Variants in KCNJ18 observed in about 807,000 individuals in gnomAD.
The protein encoded by KCNJ18 is inward rectifier potassium channel 18.
KCNJ18 carries 16 observed loss-of-function variants against 17.3 expected under a neutral mutation model. That is an observed-to-expected ratio of 0.92 (90% CI 0.62 to 1.40). The LOEUF is 1.40. KCNJ18 is among the 40% of genes most tolerant of loss of function. KCNJ18 has a pLI of 0.00. For missense variants in KCNJ18, 462 were observed against 626.8 expected (o/e 0.74, Z 2.81); for synonymous variants, 185 against 262.6 (o/e 0.70, Z 2.86).
intron 1 of KCNJ18, among the ~76,000 whole-genome samples, chr17:21,694,521 T>C (rs1485227300): frequency 5.3e-5 from 8 of 152,076 alleles, no homozygotes; most frequent in African/African-American, 9.7e-5. Flanking sequence ...CTATCCTACT[T>C]GCCCAAACAC....
At position 21,694,311 on chromosome 17, in the gene KCNJ18, C is replaced by T. The variant is rs1246508616; in HGVS notation, c.-179+1597C>T. On this transcript the variant is annotated intron_variant, in intron 1 of 2. Transcript: ENST00000567955. ...CGTGGAGATCCTCAGAGCCCCTTCCCACCAACCTCTTCTCTGATTCTCACG... is the reference window on the plus strand; with the variant it reads ...CGTGGAGATCCTCAGAGCCCCTTCCTACCAACCTCTTCTCTGATTCTCACG... Among the ~76,000 whole-genome samples the T allele has an allele frequency of 1.5e-3, 229 of 152,026 alleles. 1 individual carries two copies. Among genetic ancestry groups the T allele is most frequent in the Non-Finnish European group, 2.9e-3 (200 of 67,956 alleles).
chr17:21,703,108 G>C lies in KCNJ18; in HGVS notation c.322G>C (p.Ala108Pro). Residue 108 changes from alanine (A) to proline (P), a missense_variant, in exon 3 of 3, where the codon GCA (alanine) becomes CCA (proline). By Grantham distance (27) the Ala-to-Pro change is conservative. Around this residue, in one of 5 missense-constraint regions of KCNJ18, gnomAD observed 237 missense variants for 259.4 expected, o/e 0.91. Coordinates refer to ENST00000567955, the MANE Select transcript of KCNJ18 (RefSeq NM_001194958.2). The stretch of plus-strand genomic sequence containing the variant: ...CGTCATCTTCTGGGTCATCGCGGTG[G>C]CACACGGTGACCTGGAGCCGGCTGA... ...FGVIFWVIAV[A>P]HGDLEPAEGH... is the part of the protein sequence containing the mutation. 1.9e-6 allele frequency: 3 copies of C among 1,612,192 alleles called. No homozygotes were observed.
At chr17:21,700,161 C>T (rs1319414512) in intron 2 of KCNJ18, among the ~76,000 whole-genome samples, 4 of 151,956 alleles carry the variant, frequency 2.6e-5, no homozygotes, top group East Asian at 1.9e-4. Context: ...TCCGGCCCTG[C>T]GTCCCAGCTC....
intron 2 of KCNJ18, among the ~76,000 whole-genome samples, chr17:21,699,499 A>C (rs1276895196): frequency 6.6e-6 from 1 of 152,106 alleles, no homozygotes; most frequent in Non-Finnish European, 1.5e-5. Flanking sequence ...TCTCACACAC[A>C]CACACATGCA....
rs1441576827 is a variant in KCNJ18 at position 21,702,982 on chromosome 17, C to A, written c.196C>A (p.Arg66Ser). The A allele has an allele frequency of 3.1e-6, 5 of 1,604,032 alleles. No individual in the cohort carries two copies. Among genetic ancestry groups the A allele is most frequent in the Admixed American group, 1.7e-5 (1 of 58,418 alleles). ...CGCCAACATGGACGAGAAGTCACAG[C>A]GCTACCTGGCTGACATGTTCACCAC... ...AFANMDEKSQRYLADMFTTCV... is the reference protein window; with the variant it reads ...AFANMDEKSQSYLADMFTTCV... The change falls in exon 3 of 3, where the codon CGC becomes AGC. Residue 66 changes from arginine (R) to serine (S), a missense_variant. Arg to Ser is a moderately radical substitution (Grantham distance 110). Around this residue, in one of 5 missense-constraint regions of KCNJ18, gnomAD observed 237 missense variants for 259.4 expected, o/e 0.91. Transcript: ENST00000567955.
At chr17:21,699,752 G>C (rs1198384107) in intron 2 of KCNJ18, among the ~76,000 whole-genome samples, 6 of 152,144 alleles carry the variant, frequency 3.9e-5, no homozygotes, top group Admixed American at 1.3e-4. Context: ...GGCAGGTCTG[G>C]GGTGCCCAGC....
chr17:21,694,256 C>T (rs1241975209), intron 1 of KCNJ18, among the ~76,000 whole-genome samples: 23 of 152,130 alleles, frequency 1.5e-4, no homozygotes, highest in South Asian at 6.3e-4. Context: ...CTGGGAGGTG[C>T]GGAGGTGAGA....
chr17:21,695,113 A>T (rs1344281047), intron 1 of KCNJ18, among the ~76,000 whole-genome samples: 1 of 152,234 alleles, frequency 6.6e-6, no homozygotes, highest in Non-Finnish European at 1.5e-5. Context: ...TCACCCACCC[A>T]TCTACCCTTC....
intron 2 of KCNJ18, among the ~76,000 whole-genome samples, chr17:21,699,364 C>G (rs1226848842): frequency 2.6e-5 from 4 of 152,238 alleles, no homozygotes; most frequent in African/African-American, 9.6e-5. Context: ...GGGACATTGT[C>G]TAGCTTGTGG....
chr17:21,697,940 G>C (rs1216528168), intron 2 of KCNJ18, among the ~76,000 whole-genome samples: 1 of 152,310 alleles, frequency 6.6e-6, no homozygotes, highest in Non-Finnish European at 1.5e-5. Flanking sequence ...GCGGGGAGGC[G>C]TGTGCCAGCC....
rs1473165377 is a variant in KCNJ18 at position 21,699,857 on chromosome 17, G to A, written c.-56-2874G>A. ...CAGCTACTGGGAGCACATGCAGACCGGGCTCTCTGGCCTTTAATTCTTGTG... is the reference window on the plus strand; with the variant it reads ...CAGCTACTGGGAGCACATGCAGACCAGGCTCTCTGGCCTTTAATTCTTGTG... On this transcript the variant is annotated intron_variant, in intron 2 of 2. Transcript: ENST00000567955. Among the ~76,000 whole-genome samples, 10 of 152,398 alleles carry A rather than the reference G, an allele frequency of 6.6e-5. No individual in the cohort carries two copies. In the East Asian group the frequency reaches 1.5e-3, roughly 24 times the overall value.
chr17:21,703,305 C>T lies in KCNJ18; in HGVS notation c.519C>T (p.Asp173=), dbSNP rs1906037400. Residue 173 remains aspartate (D), a synonymous_variant, in exon 3 of 3, where the codon GAC becomes GAT. Coordinates refer to ENST00000567955, the MANE Select transcript of KCNJ18 (RefSeq NM_001194958.2). ...AGTCCATCGTGGGCTGCATCATCGA[C>T]TCCTTCATGATTGGTGCCATCATGG... ...VAQSIVGCII[D]SFMIGAIMAK... is the part of the protein sequence containing the mutation. The T allele has an allele frequency of 2.5e-6, 4 of 1,607,596 alleles. No homozygotes were observed. Among genetic ancestry groups the T allele is most frequent in the Non-Finnish European group, 3.4e-6 (4 of 1,176,464 alleles).
At chr17:21,702,643 C>T (rs1449854870) in intron 2 of KCNJ18, 88 bp from the exon 3 acceptor site, 17 of 891,236 alleles carry the variant, frequency 1.9e-5, no homozygotes, top group Non-Finnish European at 2.9e-5. Context: ...GTGGAAGCGT[C>T]CTCCAGTCAC....
intron 2 of KCNJ18, among the ~76,000 whole-genome samples, chr17:21,701,448 C>G (rs1905946854): frequency 6.6e-6 from 1 of 152,276 alleles, no homozygotes; most frequent in African/African-American, 2.4e-5. Context: ...TGAGGTCAGC[C>G]AGGGAGCAGC....
rs1905751743 is a variant in KCNJ18, at chr17:21,696,093, A to G, written c.-68A>G. 6.6e-6 allele frequency: 1 copy of G among 152,302 alleles called. No individual in the cohort carries two copies. The highest frequency in any genetic ancestry group is 2.4e-5 in the African/African-American group (1 of 41,454). 9.4% of individuals were successfully genotyped at this position (152,302 alleles called of 1,614,324 possible). A position where few individuals can be genotyped will look rare whatever the true frequency, so the allele number is the denominator to read the frequency against. On this transcript the variant is annotated 5_prime_UTR_variant, in exon 2 of 3. Transcript: ENST00000567955. ...TACTCAGCACCATTACGTAGAAGAC[A>G]GAACTCAAGAGGTAAGAGTGAAGTC...
At chr17:21,699,284 A>T (rs1269815745) in intron 2 of KCNJ18, among the ~76,000 whole-genome samples, 19 of 151,558 alleles carry the variant, frequency 1.3e-4, no homozygotes, top group Admixed American at 2.0e-4. Context: ...ATATTTCTTA[A>T]ATTGCGACCT....
chr17:21,699,011 G>A (rs1390857482), intron 2 of KCNJ18, among the ~76,000 whole-genome samples: 1 of 152,128 alleles, frequency 6.6e-6, no homozygotes, highest in East Asian at 1.9e-4. Flanking sequence ...GGCCAACCCC[G>A]GTGTCTGTGG....
chr17:21,703,347 C>T lies in KCNJ18; in HGVS notation c.561C>T (p.Pro187=). The change falls in exon 3 of 3, where the codon CCC becomes CCT. Residue 187 remains proline, a synonymous_variant. Transcript: ENST00000567955. ...IGAIMAKMAR[P]KKRAQTLLFS... ...CCATCATGGCCAAGATGGCAAGGCCCAAGAAGCGGGCACAGACGCTGCTGT... is the reference window on the plus strand; with the variant it reads ...CCATCATGGCCAAGATGGCAAGGCCTAAGAAGCGGGCACAGACGCTGCTGT... 6.2e-7 allele frequency: 1 copy of T among 1,606,762 alleles called. No homozygotes were observed. The highest frequency in any genetic ancestry group is 1.1e-5 in the South Asian group (1 of 90,636).
intron 2 of KCNJ18, among the ~76,000 whole-genome samples, chr17:21,697,021 A>C (rs1377541991): frequency 6.6e-6 from 1 of 152,292 alleles, no homozygotes; most frequent in Non-Finnish European, 1.5e-5. Flanking sequence ...TGGGGAGGCC[A>C]GGGAAGCAGT....
Sources: allele counts gnomAD v4.1 joint callset (sites outside exome capture counted in the v4.1 genomes callset), GRCh38; gene constraint gnomAD v4.1.1; regional missense constraint gnomAD v4.1.1; transcripts MANE v1.5; gene names NCBI Gene and HGNC (gene_info 2026-07-23, HGNC 2026-07-21).